The following GAS7 variants were observed in gnomAD, a reference collection of about 807,000 sequenced individuals.
GAS7 encodes growth arrest specific 7.
GAS7 carries 28 observed loss-of-function variants against 71.1 expected under a neutral mutation model. That is an observed-to-expected ratio of 0.39 (90% CI 0.29 to 0.54). The LOEUF (loss-of-function observed/expected upper bound fraction) is 0.54. Ranked by LOEUF, GAS7 falls within the 20% of genes least tolerant of loss-of-function variation. The pLI, the probability that GAS7 is intolerant of heterozygous loss-of-function variation, is 0.62. For missense variants in GAS7, 436 were observed against 627.8 expected, an observed-to-expected ratio of 0.69 and a Z score of 3.27; for synonymous variants, 258 against 245.8, an observed-to-expected ratio of 1.05 and a Z score of -0.46.
chr17:9,988,668 C>T (rs776665640), intron 2 of GAS7, among the ~76,000 whole-genome samples: 5 of 151,852 alleles, frequency 3.3e-5, no homozygotes, highest in Non-Finnish European at 7.4e-5. Context: ...GCCTGGGTGA[C>T]AGAGCAAGAC....
Position 10,105,271 on chromosome 17 carries a change from G to A in GAS7, c.184-85374C>T, listed in dbSNP as rs200129941. ...AGCCACACCTTCTCTTGCCTTCCAG[G>A]TGTGGTGTGGCTCAGGTGGTGGCTC... On this transcript the variant is annotated intron_variant, in intron 1 of 13. Transcript: ENST00000432992. Among the ~76,000 whole-genome samples, 25 of 152,184 alleles carry A rather than the reference G, an allele frequency of 1.6e-4. No individual in the cohort carries two copies. The East Asian group carries it at 4.6e-3, about 28-fold the overall frequency.
intron 3 of GAS7, among the ~76,000 whole-genome samples, chr17:9,977,722 C>T (rs147182747): frequency 5.1e-3 from 592 of 116,138 alleles, no homozygotes; most frequent in African/African-American, 0.019. Flanking sequence ...CATTCAAAGA[C>T]TGGAGTCTAG....
chr17:10,145,843 G>A (rs1012985123), intron 1 of GAS7, among the ~76,000 whole-genome samples: 3 of 152,210 alleles, frequency 2.0e-5, no homozygotes, highest in African/African-American at 7.2e-5. Context: ...TAACCCTGGA[G>A]TTCAATGAAG....
At chr17:10,046,798 AAG>A in intron 1 of GAS7, among the ~76,000 whole-genome samples, 1 of 93,468 alleles carries the variant, frequency 1.1e-5, no homozygotes, top group East Asian at 3.5e-4. Flanking sequence ...GGAAGGAAGG[AAG>A]GAAGGAAGGA....
At chr17:10,195,924 A>G (rs1006737982) in intron 1 of GAS7, among the ~76,000 whole-genome samples, 1 of 152,138 alleles carries the variant, frequency 6.6e-6, no homozygotes, top group African/African-American at 2.4e-5. Flanking sequence ...CCCTGAGAAG[A>G]GTCCCACCCA....
At chr17:10,000,801 C>G (rs1449451078) in intron 2 of GAS7, among the ~76,000 whole-genome samples, 1 of 152,202 alleles carries the variant, frequency 6.6e-6, no homozygotes, top group Non-Finnish European at 1.5e-5. Flanking sequence ...CAAGGCTTTG[C>G]GTCTGCTCTG....
At chr17:10,159,001 A>AC (rs1301568343) in intron 1 of GAS7, among the ~76,000 whole-genome samples, 8 of 146,196 alleles carry the variant, frequency 5.5e-5, no homozygotes, top group African/African-American at 1.8e-4. Flanking sequence ...TGGAGGCTGC[A>AC]GTGAGCCAAG....
intron 1 of GAS7, among the ~76,000 whole-genome samples, chr17:10,091,528 C>T (rs532209268): frequency 1.1e-4 from 17 of 152,210 alleles, no homozygotes; most frequent in African/African-American, 3.9e-4. Context: ...GCTGGGACTA[C>T]GGGTGCCCAC....
Position 9,917,158 on chromosome 17 carries a change from C to G in GAS7, c.*70G>C. The G allele has an allele frequency of 1.0e-6, 1 of 962,850 alleles. No individual in the cohort carries two copies. Among genetic ancestry groups the G allele is most frequent in the Non-Finnish European group, 1.7e-6 (1 of 587,926 alleles). The allele number at this position is 962,850 out of a possible 1,614,324, so 59.6% of individuals were successfully genotyped here. A position where few individuals can be genotyped will look rare whatever the true frequency, so the allele number is the denominator to read the frequency against. Reference sequence around the variant, plus strand: ...GGAGAGAGGGTGGGGGGCATCCACTCGGCATGGGCCCCATGGTGGGAGCCC... The same window carrying G: ...GGAGAGAGGGTGGGGGGCATCCACTGGGCATGGGCCCCATGGTGGGAGCCC... On this transcript the variant is annotated 3_prime_UTR_variant, in exon 14 of 14. Transcript: ENST00000432992.
chr17:10,054,161 A>AC (rs1174181655), intron 1 of GAS7, among the ~76,000 whole-genome samples: 1 of 150,082 alleles, frequency 6.7e-6, no homozygotes, highest in Non-Finnish European at 1.5e-5. Flanking sequence ...GACTCTTTTA[A>AC]CTTTTTTTTT....
chr17:9,963,787 G>C (rs1597562070), intron 4 of GAS7, among the ~76,000 whole-genome samples: 1 of 152,124 alleles, frequency 6.6e-6, no homozygotes, highest in Admixed American at 6.5e-5. Context: ...GGAATCTGGA[G>C]TGTATATATT....
intron 5 of GAS7, among the ~76,000 whole-genome samples, chr17:9,953,686 G>A (rs1228308515): frequency 6.6e-6 from 1 of 152,250 alleles, no homozygotes; most frequent in Non-Finnish European, 1.5e-5. Context: ...CTGTTGAAAG[G>A]CTGCTCAGTG....
At chr17:10,023,042 C>T (rs538579460) in intron 1 of GAS7, among the ~76,000 whole-genome samples, 1 of 152,310 alleles carries the variant, frequency 6.6e-6, no homozygotes, top group African/African-American at 2.4e-5. Flanking sequence ...CTGATGACCA[C>T]GAGGTCTCCC....
rs763337625 is a variant in GAS7 at position 9,926,616 on chromosome 17, T to A, written c.1014+25A>T. The A allele has an allele frequency of 1.2e-6, 2 of 1,610,742 alleles. No individual in the cohort carries two copies. The highest frequency in any genetic ancestry group is 2.2e-5 in the East Asian group (1 of 44,880). On this transcript the variant is annotated intron_variant, in intron 10 of 13. Transcript: ENST00000432992. This position sits in a 1 kb window ranked among gnomAD's most constrained non-coding sequence, Gnocchi z 5.0. ...CAGGCAGTCCCCCATGCACCTGCCC[T>A]GGCCCAGCGTCCTGGGCCTCTCACC...
chr17:9,961,556 G>T (rs1010070101), intron 4 of GAS7, among the ~76,000 whole-genome samples: 8 of 152,196 alleles, frequency 5.3e-5, no homozygotes, highest in Non-Finnish European at 1.0e-4. Context: ...CAGCAGCCTT[G>T]GCAACAGCCT....
chr17:9,917,539 C>T (rs1181754785), intron 13 of GAS7, among the ~76,000 whole-genome samples, 198 bp from the exon 14 acceptor site: 1 of 152,190 alleles, frequency 6.6e-6, no homozygotes, highest in Non-Finnish European at 1.5e-5. Context: ...GCATCCCGAC[C>T]CTGCTTCTCA....
intron 5 of GAS7, among the ~76,000 whole-genome samples, chr17:9,954,553 T>C (rs1467367893): frequency 6.6e-6 from 1 of 152,064 alleles, no homozygotes; most frequent in African/African-American, 2.4e-5. Context: ...TGGGATACTC[T>C]ACAGGTAGCC....
At chr17:9,922,156 G>A (rs990453684) in intron 11 of GAS7, among the ~76,000 whole-genome samples, 5 of 151,936 alleles carry the variant, frequency 3.3e-5, no homozygotes, top group Admixed American at 2.0e-4. Context: ...AGAGATGGGC[G>A]TAGAGAGCCA....
chr17:9,937,223 G>A (rs2152086769), intron 8 of GAS7, among the ~76,000 whole-genome samples: 1 of 152,338 alleles, frequency 6.6e-6, no homozygotes, highest in South Asian at 2.1e-4. Context: ...CTTGCGTTGT[G>A]TTTGTCTCTG....
Sources: allele counts gnomAD v4.1 joint callset (sites outside exome capture counted in the v4.1 genomes callset), GRCh38; gene constraint gnomAD v4.1.1; non-coding constraint Gnocchi (gnomAD v3.1); transcripts MANE v1.5; gene names NCBI Gene and HGNC (gene_info 2026-07-23, HGNC 2026-07-21).